SLC26A11: variants seen among roughly 807,000 people sequenced by gnomAD.
The protein encoded by SLC26A11 is sodium-independent sulfate anion transporter.
SLC26A11 carries 58 observed loss-of-function variants against 62.2 expected under a neutral mutation model. The ratio of observed to expected loss-of-function variants is 0.93; its 90% CI spans 0.76 to 1.16. The LOEUF (loss-of-function observed/expected upper bound fraction) is 1.16. Among genes scored for constraint, SLC26A11 ranks in the 50% most tolerant of loss-of-function variants. SLC26A11 has a pLI of 0.00. For missense variants in SLC26A11, 790 were observed against 794.3 expected (o/e 0.99, Z 0.06); for synonymous variants, 411 against 368.9 (o/e 1.11, Z -1.31).
chr17:80,225,535 T>C (rs1182314033), intron 5 of SLC26A11: 1 of 305,134 alleles, frequency 3.3e-6, no homozygotes, highest in Non-Finnish European at 6.2e-6. Flanking sequence ...AGAACCTGTC[T>C]GCCTGCTGTG....
rs756288564 is a variant in SLC26A11, at chr17:80,221,565, C to A, written c.5C>A (p.Pro2His). The A allele has an allele frequency of 6.3e-7, 1 of 1,592,704 alleles. No homozygotes were observed. The highest frequency in any genetic ancestry group is 8.5e-7 in the Non-Finnish European group (1 of 1,174,024). Residue 2 changes from proline to histidine, a missense_variant, in exon 3 of 18, where the codon CCT becomes CAT. Transcript: ENST00000361193. MPSSVTALGQAR... is the reference protein window; with the variant it reads MHSSVTALGQAR... ...CCCCCCAGCCCCACCGTAGAGATGCCTTCTTCGGTGACGGCGCTGGGTCAG... is the reference window on the plus strand; with the variant it reads ...CCCCCCAGCCCCACCGTAGAGATGCATTCTTCGGTGACGGCGCTGGGTCAG...
chr17:80,226,008 G>A, intron 6 of SLC26A11, 92 bp downstream of exon 6: 1 of 1,202,940 alleles, frequency 8.3e-7, no homozygotes, highest in Non-Finnish European at 1.2e-6. Context: ...CACCCCTGGT[G>A]ACTGCTCAAA....
At position 80,246,686 on chromosome 17, in the gene SLC26A11, C is replaced by T. The variant is rs749759235; in HGVS notation, c.1294+37C>T. On this transcript the variant is annotated intron_variant, in intron 13 of 17. Coordinates refer to ENST00000361193, the MANE Select transcript of SLC26A11 (RefSeq NM_001166347.2). The surrounding 1 kb of genome is among the most constrained non-coding windows in gnomAD (Gnocchi z 4.4). ...TCCTACAGGGGAGAGCGCTGTGATG[C>T]GGTGTCTGAACGCGGAGGGTGTCAT... The T allele has an allele frequency of 2.1e-5, 34 of 1,603,306 alleles. No homozygotes were observed. Among genetic ancestry groups the T allele is most frequent in the Non-Finnish European group, 2.6e-5 (30 of 1,175,060 alleles).
intron 2 of SLC26A11, 47 bp from the exon 3 acceptor site, chr17:80,221,501 C>A (rs2042188582): frequency 1.4e-6 from 2 of 1,390,662 alleles, no homozygotes. Flanking sequence ...CCGGGTTCTT[C>A]AAAGGCCACG....
At position 80,220,474 on chromosome 17, in the gene SLC26A11, C is replaced by T. The variant is rs949842218; in HGVS notation, c.-236C>T. ...ACCCAGCTGCGGCGACGCCAGGAGA[C>T]CCCAAGCTGCATCGCCGAGTGGGTG... On this transcript the variant is annotated 5_prime_UTR_variant, in exon 1 of 18. Transcript: ENST00000361193. 8 of 609,732 alleles carry T rather than the reference C, an allele frequency of 1.3e-5. No individual in the cohort carries two copies. Among genetic ancestry groups the T allele is most frequent in the Non-Finnish European group, 2.0e-5 (8 of 394,018 alleles). The allele number at this position is 609,732 out of a possible 1,614,324, so 37.8% of individuals were successfully genotyped here. A position where few individuals can be genotyped will look rare whatever the true frequency, so the allele number is the denominator to read the frequency against.
chr17:80,224,369 G>A (rs2042330453), intron 5 of SLC26A11, among the ~76,000 whole-genome samples: 1 of 149,026 alleles, frequency 6.7e-6, no homozygotes, highest in Non-Finnish European at 1.5e-5. Context: ...GAGGGAGTGT[G>A]AGTGCGCGCG....
At chr17:80,225,971 C>G (rs2042398398) in intron 6 of SLC26A11, 55 bp downstream of exon 6, 1 of 1,519,710 alleles carries the variant, frequency 6.6e-7, no homozygotes, top group East Asian at 2.2e-5. Context: ...TCCACACCTC[C>G]TCTCCCGGCC....
In SLC26A11 at chr17:80,220,995, C is replaced by CT. The variant is rs1050630058; in HGVS notation, c.-134_-133insT. 1 of 152,858 alleles carries CT rather than the reference C, an allele frequency of 6.5e-6. No homozygotes were observed. The highest frequency in any genetic ancestry group is 2.4e-5 in the African/African-American group (1 of 41,454). 9.5% of individuals were successfully genotyped at this position (152,858 alleles called of 1,614,324 possible). ...TGGCCTCAGGAGCGGAGGACCCCCC[C>CT]ACTCTCCCTCGAGCGCCGCAGTCCA... is the stretch of plus-strand genomic sequence containing the variant. On this transcript the variant is annotated 5_prime_UTR_variant, in exon 2 of 18. Coordinates refer to ENST00000361193, the MANE Select transcript of SLC26A11 (RefSeq NM_001166347.2).
chr17:80,239,027 A>G (rs898553162), intron 9 of SLC26A11, among the ~76,000 whole-genome samples: 2 of 149,578 alleles, frequency 1.3e-5, no homozygotes, highest in South Asian at 2.1e-4. Flanking sequence ...GGGTCTCACT[A>G]TGTTGGCCAG....
intron 9 of SLC26A11, among the ~76,000 whole-genome samples, 153 bp from the exon 10 acceptor site, chr17:80,241,618 C>T (rs750251892): frequency 6.6e-5 from 10 of 152,258 alleles, no homozygotes; most frequent in East Asian, 3.9e-4. Context: ...CATGTTTACA[C>T]GCACATATAT....
Position 80,236,717 on chromosome 17 carries a change from T to G in SLC26A11, c.737-211T>G, listed in dbSNP as rs2042703013. 9.1e-6 allele frequency: 5 copies of G among 548,056 alleles called. No individual in the cohort carries two copies. The South Asian group carries it at 1.4e-4, about 15-fold the overall frequency. 33.9% of individuals were successfully genotyped at this position (548,056 alleles called of 1,614,324 possible). A position where few individuals can be genotyped will look rare whatever the true frequency, so the allele number is the denominator to read the frequency against. On this transcript the variant is annotated intron_variant, in intron 7 of 17. Transcript: ENST00000361193. ...TGGCAGCAGGTGGCATGTGCACCTGTCCGCAGCCTGCAGCTCTGCCGTCCC... is the reference window on the plus strand; with the variant it reads ...TGGCAGCAGGTGGCATGTGCACCTGGCCGCAGCCTGCAGCTCTGCCGTCCC...
At position 80,246,140 on chromosome 17, in the gene SLC26A11, G is replaced by A; in HGVS notation, c.1098-14G>A. ...CGGCCCCTGGTGACTGACGGTCTCT[G>A]TGTTGCCTTCCAGGACAGCCGTGAA... On this transcript the variant is annotated splice_polypyrimidine_tract_variant and intron_variant, in intron 11 of 17. Coordinates refer to ENST00000361193, the MANE Select transcript of SLC26A11 (RefSeq NM_001166347.2). The surrounding 1 kb of genome is among the most constrained non-coding windows in gnomAD (Gnocchi z 4.4). 1 of 1,613,208 alleles carries A rather than the reference G, an allele frequency of 6.2e-7. No homozygotes were observed. The highest frequency in any genetic ancestry group is 8.5e-7 in the Non-Finnish European group (1 of 1,180,010).
intron 15 of SLC26A11, among the ~76,000 whole-genome samples, chr17:80,248,905 GT>G (rs2043085317): frequency 6.6e-6 from 1 of 152,208 alleles, no homozygotes; most frequent in African/African-American, 2.4e-5. Context: ...TCCGGTTCCT[GT>G]TTCTGGGGGG....
intron 10 of SLC26A11, among the ~76,000 whole-genome samples, chr17:80,242,832 C>A (rs2042900306): frequency 6.6e-6 from 1 of 152,146 alleles, no homozygotes; most frequent in Admixed American, 6.5e-5. Flanking sequence ...CCTCAGCCTC[C>A]CGAGTAGCTG....
rs1175719261 is a variant in SLC26A11 at position 80,252,203 on chromosome 17, T to C, written c.1730-422T>C. ...GCCAGAGGGTCCCAGGCCCCAGTGC[T>C]AGGCCTCTTCCTCTTCCACTGAGGT... On this transcript the variant is annotated intron_variant, in intron 17 of 17. Transcript: ENST00000361193. This position sits in a 1 kb window ranked among gnomAD's most constrained non-coding sequence, Gnocchi z 5.2. Among the ~76,000 whole-genome samples, 1 of 152,218 alleles carries C rather than the reference T, an allele frequency of 6.6e-6. No homozygotes were observed. The highest frequency in any genetic ancestry group is 2.4e-5 in the African/African-American group (1 of 41,454).
At chr17:80,244,584 G>C (rs1464409295) in intron 10 of SLC26A11, among the ~76,000 whole-genome samples, 1 of 152,224 alleles carries the variant, frequency 6.6e-6, no homozygotes, top group Non-Finnish European at 1.5e-5. Flanking sequence ...GCTCACTCCT[G>C]TGATCCCAGC....
At position 80,223,382 on chromosome 17, in the gene SLC26A11, CGTT is replaced by C. The variant is rs765408204; in HGVS notation, c.513+47_513+49del. 268 of 1,579,070 alleles carry C rather than the reference CGTT, an allele frequency of 1.7e-4. No individual in the cohort carries two copies. The highest frequency in any genetic ancestry group is 2.2e-4 in the Non-Finnish European group (256 of 1,150,854). ...AGGGCACTGCTCTTTGGCCACTGCT[CGTT>C]GGCACAGGGATGGCGGGAGCAGGAC... On this transcript the variant is annotated intron_variant, in intron 5 of 17. Transcript: ENST00000361193. This position sits in a 1 kb window ranked among gnomAD's most constrained non-coding sequence, Gnocchi z 4.6.
intron 5 of SLC26A11, among the ~76,000 whole-genome samples, chr17:80,224,511 C>T (rs1456122844): frequency 2.6e-5 from 4 of 152,020 alleles, no homozygotes; most frequent in East Asian, 1.9e-4. Context: ...ACTCTTGCTA[C>T]GTGCGAGGCA....
chr17:80,221,928 A>G (rs913603400), intron 3 of SLC26A11, 134 bp downstream of exon 3: 11 of 937,114 alleles, frequency 1.2e-5, no homozygotes, highest in Non-Finnish European at 1.7e-5. Flanking sequence ...ACAGTGTGTG[A>G]CGCAGATTGT....
Sources: gnomAD v4.1 joint callset for allele counts (sites outside exome capture counted in the v4.1 genomes callset) on GRCh38, gnomAD v4.1.1 for gene constraint, Gnocchi (gnomAD v3.1) non-coding constraint, MANE v1.5 for transcripts, NCBI Gene and HGNC (gene_info 2026-07-23, HGNC 2026-07-21) for gene names.